ANO10: variants seen among roughly 807,000 people sequenced by gnomAD.
The protein encoded by ANO10 is anoctamin 10, also known as anoctamin-10.
ANO10 carries 77 observed loss-of-function variants against 74.7 expected under a neutral mutation model. The observed-to-expected ratio is 1.03, with a 90% confidence interval of 0.86 to 1.25. The LOEUF (loss-of-function observed/expected upper bound fraction) is 1.25, where lower values mean the gene tolerates loss of function less well. ANO10 is among the 50% of genes most tolerant of loss of function. ANO10 has a pLI of 0.00. For missense variants in ANO10, 721 were observed against 778.1 expected (o/e 0.93, Z 0.87); for synonymous variants, 279 against 284.9 (o/e 0.98, Z 0.21).
intron 12 of ANO10, among the ~76,000 whole-genome samples, chr3:43,376,563 T>C (rs2091813637): frequency 1.3e-5 from 2 of 152,206 alleles, no homozygotes; most frequent in Non-Finnish European, 2.9e-5. Flanking sequence ...ATGTGTGTTA[T>C]GGCAACATAG....
At chr3:43,485,295 C>T (rs929654025) in intron 11 of ANO10, 23 of 577,454 alleles carry the variant, frequency 4.0e-5, no homozygotes, top group Non-Finnish European at 9.4e-6. Context: ...GTCGCAGACC[C>T]GCTGCTGACT....
intron 11 of ANO10, among the ~76,000 whole-genome samples, chr3:43,524,035 G>A (rs566501786): frequency 6.6e-6 from 1 of 152,254 alleles, no homozygotes; most frequent in South Asian, 2.1e-4. Context: ...TCACCTAGGG[G>A]CTACACCTGG....
intron 11 of ANO10, among the ~76,000 whole-genome samples, chr3:43,528,232 T>C (rs1253796362): frequency 2.0e-5 from 3 of 150,024 alleles, no homozygotes; most frequent in Admixed American, 6.6e-5. Context: ...ATAACATCTG[T>C]ACAAGGTTAC....
chr3:43,444,540 C>G (rs1355035862), intron 11 of ANO10, among the ~76,000 whole-genome samples: 1 of 152,222 alleles, frequency 6.6e-6, no homozygotes, highest in East Asian at 1.9e-4. Context: ...ATTATGATTT[C>G]ATTCTACTAT....
At chr3:43,514,319 C>T (rs1432713741) in intron 11 of ANO10, among the ~76,000 whole-genome samples, 1 of 151,900 alleles carries the variant, frequency 6.6e-6, no homozygotes, top group Non-Finnish European at 1.5e-5. Context: ...TCATATTGTG[C>T]TAACACAAAT....
chr3:43,583,326 G>T (rs1406527516), intron 4 of ANO10, among the ~76,000 whole-genome samples: 1 of 151,958 alleles, frequency 6.6e-6, no homozygotes, highest in Non-Finnish European at 1.5e-5. Context: ...AAACCATGAT[G>T]CCATGTGGGC....
At chr3:43,602,989 C>T (rs2082403673) in intron 2 of ANO10, among the ~76,000 whole-genome samples, 1 of 152,204 alleles carries the variant, frequency 6.6e-6, no homozygotes, top group Admixed American at 6.5e-5. Flanking sequence ...ATTCATCATT[C>T]CCATCACCTA....
At position 43,474,216 on chromosome 3, in the gene ANO10, C is replaced by A. The variant is rs141762826; in HGVS notation, c.1798-41489G>T. Among the ~76,000 whole-genome samples, 118 of 151,760 alleles carry A rather than the reference C, an allele frequency of 7.8e-4. 1 individual carries two copies. The highest frequency in any genetic ancestry group is 2.7e-3 in the African/African-American group (110 of 41,394). On this transcript the variant is annotated intron_variant, in intron 11 of 12. Coordinates refer to ENST00000292246, the MANE Select transcript of ANO10 (RefSeq NM_018075.5). ...GCTGCAAGTTTCAGTACTTCCCCGC[C>A]CCCCCCAACCCCAATTTCTTCCTTT... is the stretch of plus-strand genomic sequence containing the variant.
intron 11 of ANO10, among the ~76,000 whole-genome samples, chr3:43,444,641 A>G (rs369705111): frequency 1.1e-4 from 16 of 152,182 alleles, no homozygotes; most frequent in African/African-American, 3.4e-4. Flanking sequence ...TGTTAGCTAT[A>G]AGGCAGATGT....
At chr3:43,556,638 A>G (rs182737050) in intron 9 of ANO10, among the ~76,000 whole-genome samples, 4 of 152,322 alleles carry the variant, frequency 2.6e-5, no homozygotes, top group Admixed American at 1.3e-4. Flanking sequence ...ACACATACAC[A>G]CACTAAGAAT....
intron 10 of ANO10, 131 bp from the exon 11 acceptor site, chr3:43,549,979 T>G (rs868692692): frequency 1.3e-5 from 14 of 1,073,154 alleles, no homozygotes; most frequent in Middle Eastern, 2.6e-4. Context: ...ACATTTTAAA[T>G]TTTTTTCTCT....
chr3:43,669,737 TTTA>T (rs994528901), intron 1 of ANO10, among the ~76,000 whole-genome samples: 3 of 151,994 alleles, frequency 2.0e-5, no homozygotes, highest in African/African-American at 7.3e-5. Context: ...TATTTATTTA[TTTA>T]TTTAGAAATG....
intron 4 of ANO10, 101 bp from the exon 5 acceptor site, chr3:43,580,573 G>T: frequency 6.9e-7 from 1 of 1,447,246 alleles, no homozygotes; most frequent in Non-Finnish European, 9.5e-7. Flanking sequence ...GGAGTACAAC[G>T]CAAAGGTCAA....
At chr3:43,660,190 G>A (rs1271524644) in intron 1 of ANO10, among the ~76,000 whole-genome samples, 1 of 152,132 alleles carries the variant, frequency 6.6e-6, no homozygotes, top group Non-Finnish European at 1.5e-5. Context: ...TGACTCTTCT[G>A]TTCCAAAGGA....
chr3:43,601,409 C>A (rs1407815046), intron 2 of ANO10, among the ~76,000 whole-genome samples: 1 of 152,122 alleles, frequency 6.6e-6, no homozygotes, highest in Admixed American at 6.5e-5. Flanking sequence ...GTTGCCCAGG[C>A]TGGTCTTGAA....
At position 43,447,362 on chromosome 3, in the gene ANO10, C is replaced by T. The variant is rs115061056; in HGVS notation, c.1798-14635G>A. 7.7e-3 allele frequency among the ~76,000 whole-genome samples: 1,166 copies of T among 152,290 alleles called. 13 individuals are homozygous for T. Among genetic ancestry groups the T allele is most frequent in the African/African-American group, 0.027 (1,108 of 41,552 alleles). ...ACTCCCTGGTCCTCCACAGCCTTGTCGACCCAAGGTGATATCCCTCTGGTG... is the reference window on the plus strand; with the variant it reads ...ACTCCCTGGTCCTCCACAGCCTTGTTGACCCAAGGTGATATCCCTCTGGTG... On this transcript the variant is annotated intron_variant, in intron 11 of 12. Coordinates refer to ENST00000292246, the MANE Select transcript of ANO10 (RefSeq NM_018075.5).
chr3:43,686,929 C>T (rs2084282822), intron 1 of ANO10, among the ~76,000 whole-genome samples: 1 of 151,834 alleles, frequency 6.6e-6, no homozygotes, highest in Non-Finnish European at 1.5e-5. Flanking sequence ...CCTACAGAGT[C>T]AGAATCTACA....
chr3:43,421,623 G>A (rs1172486681), intron 12 of ANO10, among the ~76,000 whole-genome samples: 2 of 151,936 alleles, frequency 1.3e-5, no homozygotes, highest in Admixed American at 6.6e-5. Flanking sequence ...CCAGGAGTTC[G>A]AAACCAGCCT....
intron 11 of ANO10, among the ~76,000 whole-genome samples, chr3:43,478,946 C>G (rs2076171075): frequency 6.6e-6 from 1 of 152,194 alleles, no homozygotes. Flanking sequence ...AATGCCTCCA[C>G]AAGTTAGGGC....
Sources: allele counts gnomAD v4.1 joint callset (sites outside exome capture counted in the v4.1 genomes callset), GRCh38; gene constraint gnomAD v4.1.1; transcripts MANE v1.5; gene names NCBI Gene and HGNC (gene_info 2026-07-23, HGNC 2026-07-21).